Variants in UBE2E2 observed in about 807,000 individuals in gnomAD.
The protein encoded by UBE2E2 is ubiquitin conjugating enzyme E2 E2, also known as ubiquitin-conjugating enzyme E2 E2.
A neutral mutation model predicts 24.7 loss-of-function variants in UBE2E2; 6 were observed. The observed-to-expected ratio is 0.24, with a 90% CI of 0.13 to 0.48. The LOEUF (loss-of-function observed/expected upper bound fraction) is 0.48. UBE2E2 is among the 20% of genes least tolerant of loss of function. The pLI is 0.99. For missense variants in UBE2E2, 169 were observed against 245.0 expected, an observed-to-expected ratio of 0.69 and a Z score of 2.07; for synonymous variants, 104 against 83.6, an observed-to-expected ratio of 1.24 and a Z score of -1.33.
At chr3:23,419,985 T>C (rs1290600494) in intron 3 of UBE2E2, among the ~76,000 whole-genome samples, 1 of 152,162 alleles carries the variant, frequency 6.6e-6, no homozygotes, top group Non-Finnish European at 1.5e-5. Flanking sequence ...CTACTACTGG[T>C]GGGCTGCTAA....
intron 3 of UBE2E2, among the ~76,000 whole-genome samples, chr3:23,303,387 A>G (rs1257977881): frequency 6.6e-6 from 1 of 152,148 alleles, no homozygotes; most frequent in Non-Finnish European, 1.5e-5. Flanking sequence ...GTGTGTGGAA[A>G]AATTGTCTTC....
At chr3:23,282,162 G>A (rs997273631) in intron 3 of UBE2E2, among the ~76,000 whole-genome samples, 1 of 152,172 alleles carries the variant, frequency 6.6e-6, no homozygotes, top group Non-Finnish European at 1.5e-5. Flanking sequence ...TCCTACATAT[G>A]GATGGCCACA....
At chr3:23,304,877 A>AT (rs981541547) in intron 3 of UBE2E2, among the ~76,000 whole-genome samples, 5 of 150,098 alleles carry the variant, frequency 3.3e-5, no homozygotes, top group Admixed American at 2.0e-4. Context: ...TGTAACTTCT[A>AT]TTTTTTTTTC....
intron 3 of UBE2E2, among the ~76,000 whole-genome samples, chr3:23,490,722 T>G (rs1699477379): frequency 6.6e-6 from 1 of 152,212 alleles, no homozygotes; most frequent in East Asian, 1.9e-4. Context: ...AAAGGAAGTA[T>G]TATGATGATT....
At chr3:23,497,447 G>A (rs1268403642) in intron 3 of UBE2E2, among the ~76,000 whole-genome samples, 1 of 152,194 alleles carries the variant, frequency 6.6e-6, no homozygotes, top group Non-Finnish European at 1.5e-5. Context: ...TGAGTTCATT[G>A]CAATAGCAAC....
chr3:23,514,540 A>T (rs1456302635), intron 4 of UBE2E2, among the ~76,000 whole-genome samples: 1 of 152,124 alleles, frequency 6.6e-6, no homozygotes, highest in Non-Finnish European at 1.5e-5. Context: ...TTTTCCCTGA[A>T]GATGCCTGCC....
At chr3:23,347,005 A>G (rs1246679677) in intron 3 of UBE2E2, among the ~76,000 whole-genome samples, 4 of 152,166 alleles carry the variant, frequency 2.6e-5, no homozygotes, top group Non-Finnish European at 4.4e-5. Flanking sequence ...GTGATATACT[A>G]TCTTCAGTGC....
intron 3 of UBE2E2, among the ~76,000 whole-genome samples, chr3:23,498,606 A>C (rs759817431): frequency 1.3e-5 from 2 of 152,132 alleles, no homozygotes; most frequent in African/African-American, 2.4e-5. Context: ...AGTTTTATAT[A>C]ATTTTCTCCA....
chr3:23,212,664 A>G (rs1290673460), intron 2 of UBE2E2, among the ~76,000 whole-genome samples: 2 of 152,060 alleles, frequency 1.3e-5, no homozygotes, highest in African/African-American at 4.8e-5. Context: ...TCCAGTTTGA[A>G]CTTTTATCAT....
intron 4 of UBE2E2, among the ~76,000 whole-genome samples, chr3:23,500,347 G>A (rs550505910): frequency 3.9e-4 from 60 of 152,298 alleles, no homozygotes; most frequent in African/African-American, 1.4e-3. Flanking sequence ...GTATGTTCAT[G>A]TCTGATGTGG....
intron 4 of UBE2E2, among the ~76,000 whole-genome samples, chr3:23,526,319 G>A (rs946963527): frequency 6.6e-6 from 1 of 152,180 alleles, no homozygotes; most frequent in Non-Finnish European, 1.5e-5. Context: ...ACAGAAAAAT[G>A]TTAAAGAGAT....
At chr3:23,315,420 T>A (rs1355376565) in intron 3 of UBE2E2, among the ~76,000 whole-genome samples, 1 of 152,184 alleles carries the variant, frequency 6.6e-6, no homozygotes, top group Non-Finnish European at 1.5e-5. Context: ...GATACATTCT[T>A]CAGTATGTCA....
chr3:23,458,087 T>C (rs1419401070), intron 3 of UBE2E2, among the ~76,000 whole-genome samples: 3 of 152,172 alleles, frequency 2.0e-5, no homozygotes, highest in Non-Finnish European at 2.9e-5. Context: ...AGTTTTCTGC[T>C]TGTCTGGGCT....
intron 3 of UBE2E2, among the ~76,000 whole-genome samples, chr3:23,314,645 T>G (rs564080122): frequency 1.3e-5 from 2 of 152,372 alleles, no homozygotes; most frequent in African/African-American, 2.4e-5. Context: ...GGTCTGGTGT[T>G]GATGAAATCC....
chr3:23,588,368 C>CA lies in UBE2E2; in HGVS notation c.509-1366_509-1365insA, dbSNP rs1553623141. Among the ~76,000 whole-genome samples, 12 of 145,746 alleles carry CA rather than the reference C, an allele frequency of 8.2e-5. No homozygotes were observed. The South Asian group carries it at 2.4e-3, about 30-fold the overall frequency. ...CTGGGATCTTTAGGAACCTAAGTTA[C>CA]TTTTTTTTTAATTGCTTTGCTTTTT... On this transcript the variant is annotated intron_variant, in intron 5 of 5. Transcript: ENST00000396703.
At chr3:23,303,488 C>T (rs1699157378) in intron 3 of UBE2E2, among the ~76,000 whole-genome samples, 1 of 151,998 alleles carries the variant, frequency 6.6e-6, no homozygotes, top group Non-Finnish European at 1.5e-5. Flanking sequence ...CATTTTCAGA[C>T]AAGGAAGGAT....
At chr3:23,208,635 C>A in intron 1 of UBE2E2, 57 bp from the exon 2 acceptor site, 2 of 1,350,780 alleles carry the variant, frequency 1.5e-6, no homozygotes, top group South Asian at 1.8e-5. Flanking sequence ...TCTCTGTGTT[C>A]TGGAGGTAGC....
rs556821620 is a variant in UBE2E2 at position 23,440,092 on chromosome 3, G to T, written c.228-59516G>T. On this transcript the variant is annotated intron_variant, in intron 3 of 5. Coordinates refer to ENST00000396703, the MANE Select transcript of UBE2E2 (RefSeq NM_152653.4). ...AGTTCAAGACCAGCCTGGCCAAGAT[G>T]GTGAAACCCCATCTCTACTAAAAAT... Among the ~76,000 whole-genome samples, 1,269 of 152,014 alleles carry T rather than the reference G, an allele frequency of 8.3e-3. 17 individuals carry two copies. Among genetic ancestry groups the T allele is most frequent in the African/African-American group, 0.028 (1,164 of 41,452 alleles).
intron 3 of UBE2E2, among the ~76,000 whole-genome samples, chr3:23,492,275 C>T (rs1463688535): frequency 6.6e-6 from 1 of 152,206 alleles, no homozygotes; most frequent in Non-Finnish European, 1.5e-5. Context: ...GAACAATGTA[C>T]TTTCCCACAG....
Sources: gnomAD v4.1 joint callset for allele counts (sites outside exome capture counted in the v4.1 genomes callset) on GRCh38, gnomAD v4.1.1 for gene constraint, MANE v1.5 for transcripts, NCBI Gene and HGNC (gene_info 2026-07-23, HGNC 2026-07-21) for gene names.